The following CTNND2 variants were observed in gnomAD, a reference collection of about 807,000 sequenced individuals.
CTNND2 encodes catenin delta-2.
Under a neutral mutation model 144.4 loss-of-function variants are expected in CTNND2, and 22 were observed. That is an observed-to-expected ratio of 0.15 (90% CI 0.11 to 0.22). CTNND2 has a LOEUF of 0.22. CTNND2 is among the 10% of genes least tolerant of loss of function. CTNND2 has a pLI of 1.00. For synonymous variants in CTNND2, 751 were observed against 695.6 expected, an observed-to-expected ratio of 1.08 and a Z score of -1.25; for missense variants, 1,353 against 1,618.8, an observed-to-expected ratio of 0.84 and a Z score of 2.82.
intron 1 of CTNND2, among the ~76,000 whole-genome samples, chr5:11,760,907 G>C (rs1581839119): frequency 6.6e-6 from 1 of 152,188 alleles, no homozygotes; most frequent in African/African-American, 2.4e-5. Context: ...ATGAATGAAC[G>C]AATGAACAGT....
At chr5:11,805,405 T>C (rs1175042435) in intron 1 of CTNND2, among the ~76,000 whole-genome samples, 4 of 152,148 alleles carry the variant, frequency 2.6e-5, no homozygotes, top group African/African-American at 4.8e-5. Context: ...TTTTTAATAG[T>C]ATTCTTCAAT....
chr5:11,086,481 C>T (rs752534033), intron 15 of CTNND2, among the ~76,000 whole-genome samples: 5 of 152,152 alleles, frequency 3.3e-5, no homozygotes, highest in Non-Finnish European at 5.9e-5. Flanking sequence ...TGCAGACTGA[C>T]GGGACTGGGA....
intron 9 of CTNND2, among the ~76,000 whole-genome samples, chr5:11,319,772 C>T (rs1356413966): frequency 3.3e-5 from 5 of 152,160 alleles, no homozygotes; most frequent in African/African-American, 1.2e-4. Flanking sequence ...CCACCAGCCT[C>T]GGCCTCCCAA....
intron 3 of CTNND2, among the ~76,000 whole-genome samples, chr5:11,563,965 C>T (rs1412254527): frequency 1.3e-5 from 2 of 152,156 alleles, no homozygotes; most frequent in African/African-American, 4.8e-5. Context: ...TGCCCCACTT[C>T]CATCGATGAG....
chr5:11,556,533 T>C (rs1169909407), intron 3 of CTNND2, among the ~76,000 whole-genome samples: 1 of 152,180 alleles, frequency 6.6e-6, no homozygotes, highest in Non-Finnish European at 1.5e-5. Flanking sequence ...CTAAATACTG[T>C]TAACTATTAA....
At position 11,159,719 on chromosome 5, in the gene CTNND2, C is replaced by T. The variant is rs1303769724; in HGVS notation, c.2016G>A (p.Met672Ile). 1 of 1,607,070 alleles carries T rather than the reference C, an allele frequency of 6.2e-7. No homozygotes were observed. The highest frequency in any genetic ancestry group is 1.3e-5 in the African/African-American group (1 of 74,756). ...CTGCTAGGGCATCCTGGATGATTGG[C>T]ATTTTGAGTGCATCGCATGAGGAGA... is the stretch of plus-strand genomic sequence containing the variant. ...WNLSSCDALKMPIIQDALAVL... is the reference protein window; with the variant it reads ...WNLSSCDALKIPIIQDALAVL... Residue 672 changes from methionine to isoleucine, a missense_variant, in exon 12 of 22, where the codon ATG becomes ATA. Around this residue, in one of 4 missense-constraint regions of CTNND2, gnomAD observed 117 missense variants for 117.8 expected, o/e 0.99. Coordinates refer to ENST00000304623, the MANE Select transcript of CTNND2 (RefSeq NM_001332.4).
At chr5:11,465,590 G>A (rs1375767760) in intron 3 of CTNND2, among the ~76,000 whole-genome samples, 1 of 152,148 alleles carries the variant, frequency 6.6e-6, no homozygotes, top group Non-Finnish European at 1.5e-5. Flanking sequence ...TGACTGTGGT[G>A]TTCCTGATGG....
At chr5:11,449,137 C>A (rs544453324) in intron 3 of CTNND2, among the ~76,000 whole-genome samples, 1 of 151,990 alleles carries the variant, frequency 6.6e-6, no homozygotes, top group African/African-American at 2.4e-5. Context: ...AATCAAAACA[C>A]AATTTATTTT....
chr5:11,595,003 T>C (rs867307569), intron 2 of CTNND2, among the ~76,000 whole-genome samples: 1 of 152,208 alleles, frequency 6.6e-6, no homozygotes, highest in African/African-American at 2.4e-5. Context: ...CGCTAAGGTA[T>C]AAAATTACAC....
chr5:11,047,341 C>G (rs1354253934), intron 16 of CTNND2, among the ~76,000 whole-genome samples: 1 of 152,178 alleles, frequency 6.6e-6, no homozygotes, highest in African/African-American at 2.4e-5. Flanking sequence ...AGTTCCCCAC[C>G]AACAGCGATG....
chr5:11,106,328 G>A (rs557828410), intron 14 of CTNND2, among the ~76,000 whole-genome samples: 5 of 152,182 alleles, frequency 3.3e-5, no homozygotes, highest in African/African-American at 1.2e-4. Context: ...GGATTGGTTC[G>A]CCACGTCATG....
chr5:11,474,379 A>G (rs1767522206), intron 3 of CTNND2, among the ~76,000 whole-genome samples: 1 of 152,236 alleles, frequency 6.6e-6, no homozygotes, highest in African/African-American at 2.4e-5. Flanking sequence ...GCACTTAAAT[A>G]TTGTAATAGA....
At chr5:11,312,142 C>A (rs1751025125) in intron 9 of CTNND2, among the ~76,000 whole-genome samples, 7 of 148,330 alleles carry the variant, frequency 4.7e-5, no homozygotes, top group Non-Finnish European at 7.5e-5. Context: ...ATCCTCTCCC[C>A]CACCACACAC....
chr5:11,539,275 G>A lies in CTNND2; in HGVS notation c.287+25669C>T, dbSNP rs560328005. On this transcript the variant is annotated intron_variant, in intron 3 of 21. Transcript: ENST00000304623. ...TAGAATACCTCCACATCTGAATTCC[G>A]GGTGACTGACGCCTGTCACCCAGAC... 4.6e-5 allele frequency among the ~76,000 whole-genome samples: 7 copies of A among 152,228 alleles called. 1 individual carries two copies. Among genetic ancestry groups the A allele is most frequent in the East Asian group, 1.9e-4 (1 of 5,156 alleles).
intron 14 of CTNND2, 145 bp from the exon 15 acceptor site, chr5:11,098,893 CA>C: frequency 1.4e-6 from 1 of 695,928 alleles, no homozygotes; most frequent in Non-Finnish European, 2.4e-6. Context: ...ATTGCATCAG[CA>C]GTCCAGGGAT....
chr5:11,602,777 T>G (rs968225079), intron 2 of CTNND2, among the ~76,000 whole-genome samples: 1 of 146,214 alleles, frequency 6.8e-6, no homozygotes, highest in African/African-American at 2.5e-5. Flanking sequence ...TAGATATAAA[T>G]TAATAGATAT....
chr5:11,879,063 A>T (rs1168715573), intron 1 of CTNND2, among the ~76,000 whole-genome samples: 1 of 152,076 alleles, frequency 6.6e-6, no homozygotes, highest in East Asian at 1.9e-4. Context: ...CCATGGAGAC[A>T]GTACCCCACG....
chr5:10,985,368 C>G (rs1347723705), intron 20 of CTNND2, among the ~76,000 whole-genome samples: 1 of 152,138 alleles, frequency 6.6e-6, no homozygotes, highest in Non-Finnish European at 1.5e-5. Context: ...TCAGGGCTCT[C>G]CAGTGGCAGA....
rs1054917251 is a variant in CTNND2 at position 11,460,681 on chromosome 5, G to C, written c.288-48612C>G. On this transcript the variant is annotated intron_variant, in intron 3 of 21. Transcript: ENST00000304623. ...CTTGCCACCCTACTACTTTGCCTCA[G>C]ATACAGCTCACTCCCTTTCTTCTCC... 7.2e-5 allele frequency among the ~76,000 whole-genome samples: 11 copies of C among 152,232 alleles called. No homozygotes were observed. In the East Asian group the frequency reaches 1.9e-3, roughly 27 times the overall value.
Sources: allele counts gnomAD v4.1 joint callset (sites outside exome capture counted in the v4.1 genomes callset), GRCh38; gene constraint gnomAD v4.1.1; regional missense constraint gnomAD v4.1.1; transcripts MANE v1.5; gene names NCBI Gene and HGNC (gene_info 2026-07-23, HGNC 2026-07-21).